SPMAP2: variants seen among roughly 807,000 people sequenced by gnomAD.
The protein encoded by SPMAP2 is Theg homolog.
the SPMAP2 span, chr19:372,842 G>A: frequency 1.3e-6 from 1 of 745,996 alleles, no homozygotes; most frequent in Admixed American, 2.2e-5. Flanking sequence ...GACAACTGGG[G>A]GCCAGACACC....
chr19:373,619 C>T, the SPMAP2 span: 3 of 1,067,256 alleles, frequency 2.8e-6, no homozygotes, highest in Non-Finnish European at 1.2e-6. Flanking sequence ...AGGAGGGTGG[C>T]CGAGGTGGGG....
At chr19:371,369 GGT>G in the SPMAP2 span, 92,661 of 817,458 alleles carry the variant, frequency 0.11, 3,439 homozygotes, top group African/African-American at 0.28. Flanking sequence ...CGGGGGTGGG[GGT>G]GTGTGTGTGT....
chr19:365,934 A>G, the SPMAP2 span, among the ~76,000 whole-genome samples: 1 of 152,146 alleles, frequency 6.6e-6, no homozygotes, highest in Non-Finnish European at 1.5e-5. Flanking sequence ...TGAGGTCAGG[A>G]GTTCAAGACC....
the SPMAP2 span, among the ~76,000 whole-genome samples, chr19:364,140 T>C: frequency 4.0e-3 from 608 of 150,366 alleles, 5 homozygotes; most frequent in African/African-American, 8.6e-3. Flanking sequence ...GAGACCATCC[T>C]GGCTCACACG....
the SPMAP2 span, chr19:371,365 TGG>T: frequency 0.031 from 25,100 of 815,362 alleles, 691 homozygotes; most frequent in African/African-American, 0.094. Flanking sequence ...CGGCCGGGGG[TGG>T]GGGTGTGTGT....
the SPMAP2 span, chr19:374,199 G>A: frequency 3.9e-6 from 6 of 1,556,412 alleles, no homozygotes; most frequent in South Asian, 1.2e-5. Context: ...TGGCAGCTGG[G>A]GGAGGGGAGC....
chr19:373,046 C>T, the SPMAP2 span, among the ~76,000 whole-genome samples: 2 of 152,140 alleles, frequency 1.3e-5, no homozygotes, highest in Non-Finnish European at 2.9e-5. Context: ...TTAGTACAAG[C>T]CTGGGGTTTC....
the SPMAP2 span, chr19:371,201 C>G: frequency 7.0e-7 from 1 of 1,438,626 alleles, no homozygotes; most frequent in South Asian, 1.6e-5. Context: ...CACGGGGCAC[C>G]CACCTCAGAC....
the SPMAP2 span, among the ~76,000 whole-genome samples, chr19:369,169 T>C: frequency 6.6e-6 from 1 of 152,138 alleles, no homozygotes; most frequent in African/African-American, 2.4e-5. Flanking sequence ...AAGTGGGGTC[T>C]GAGAAACCAC....
chr19:374,817 C>T, the SPMAP2 span, among the ~76,000 whole-genome samples: 21 of 152,366 alleles, frequency 1.4e-4, no homozygotes, highest in Middle Eastern at 3.4e-3. Context: ...CTAAAGAGAG[C>T]GGCTCCTGCC....
the SPMAP2 span, among the ~76,000 whole-genome samples, chr19:366,813 A>G: frequency 2.0e-5 from 3 of 152,186 alleles, no homozygotes; most frequent in African/African-American, 2.4e-5. Flanking sequence ...ACCCATTTTA[A>G]AGCTGCATTT....
the SPMAP2 span, chr19:366,998 G>A: frequency 1.3e-6 from 2 of 1,553,244 alleles, no homozygotes; most frequent in Non-Finnish European, 1.8e-6. Context: ...TCTAGGCAGA[G>A]GTATAAGGTG....
At chr19:363,194 GTTTA>G in the SPMAP2 span, among the ~76,000 whole-genome samples, 1 of 152,166 alleles carries the variant, frequency 6.6e-6, no homozygotes, top group Non-Finnish European at 1.5e-5. Flanking sequence ...ATTTTTATTT[GTTTA>G]TTTATTTAGT....
the SPMAP2 span, chr19:375,600 C>G: frequency 5.5e-6 from 8 of 1,449,076 alleles, no homozygotes; most frequent in Admixed American, 1.5e-4. Flanking sequence ...CTGCCCTCCC[C>G]CCACTGCCAG....
chr19:371,082 A>C, the SPMAP2 span: 1 of 548,442 alleles, frequency 1.8e-6, no homozygotes, highest in Non-Finnish European at 3.2e-6. Context: ...CTCCCAGACA[A>C]AGGCAGCCGC....
chr19:373,351 G>A, the SPMAP2 span: 11 of 922,078 alleles, frequency 1.2e-5, no homozygotes, highest in Non-Finnish European at 1.9e-5. Flanking sequence ...CAGTGGGGAG[G>A]ACAGAGGCTC....
At chr19:374,261 C>G in the SPMAP2 span, 1 of 1,608,252 alleles carries the variant, frequency 6.2e-7, no homozygotes, top group East Asian at 2.2e-5. Context: ...AAGCCGCCCA[C>G]GCTGCCCCTA....
chr19:374,027 G>A, the SPMAP2 span: 4 of 1,611,876 alleles, frequency 2.5e-6, no homozygotes, highest in Non-Finnish European at 3.4e-6. Flanking sequence ...AGGAGACAGG[G>A]TCCGAGCCCC....
At chr19:376,009 C>T in the SPMAP2 span, 173 of 1,381,916 alleles carry the variant, frequency 1.3e-4, 1 homozygote, top group Non-Finnish European at 1.4e-4. Flanking sequence ...CTCACTCTCC[C>T]GGCACCCAAA....
Sources: gnomAD v4.1 joint callset for allele counts (sites outside exome capture counted in the v4.1 genomes callset) on GRCh38, gnomAD v4.1.1 for gene constraint, MANE v1.5 for transcripts, NCBI Gene and HGNC (gene_info 2026-07-23, HGNC 2026-07-21) for gene names.